GEMIN7: variants seen among roughly 807,000 people sequenced by gnomAD.
GEMIN7 encodes the protein gem nuclear organelle associated protein 7.
In GEMIN7, 7 loss-of-function variants were observed where a neutral mutation model predicts 7.8. The ratio of observed to expected loss-of-function variants is 0.90; its 90% confidence interval spans 0.51 to 1.69. The LOEUF is 1.69. Ranked by LOEUF, GEMIN7 falls within the 40% of genes most tolerant of loss-of-function variation. GEMIN7 has a pLI of 0.00. For synonymous variants in GEMIN7, 68 were observed against 72.4 expected, an observed-to-expected ratio of 0.94 and a Z score of 0.31; for missense variants, 159 against 176.2, an observed-to-expected ratio of 0.90 and a Z score of 0.55.
intron 2 of GEMIN7, among the ~76,000 whole-genome samples, chr19:45,089,052 C>T (rs1967802202): frequency 6.6e-6 from 1 of 151,964 alleles, no homozygotes; most frequent in Non-Finnish European, 1.5e-5. Context: ...AATGATTCTC[C>T]TGCCTTAACC....
chr19:45,085,314 G>A (rs1194489957), intron 2 of GEMIN7: 41 of 152,128 alleles, frequency 2.7e-4, no homozygotes, highest in Admixed American at 2.7e-3. Flanking sequence ...ATCAGGAGAC[G>A]TTTGGCAATT....
chr19:45,076,604 G>A (rs1461242376), upstream of GEMIN7: 3 of 336,652 alleles, frequency 8.9e-6, no homozygotes, highest in Non-Finnish European at 1.6e-5. The surrounding 1 kb of genome is among the most constrained non-coding windows in gnomAD (Gnocchi z 4.9). Flanking sequence ...ACTCAATCTA[G>A]GCAGTGTCCC....
At chr19:45,082,772 C>A (rs2122657480) in intron 2 of GEMIN7, among the ~76,000 whole-genome samples, 1 of 149,620 alleles carries the variant, frequency 6.7e-6, no homozygotes, top group East Asian at 1.9e-4. Context: ...TCGCACACTA[C>A]CCATGCCCAG....
At chr19:45,086,553 C>G (rs1419572800) in intron 2 of GEMIN7, among the ~76,000 whole-genome samples, 4 of 152,170 alleles carry the variant, frequency 2.6e-5, no homozygotes, top group Admixed American at 1.3e-4. Context: ...GTAATTTAGT[C>G]CCCATGCCCG....
At chr19:45,079,534 T>C (rs892872214) in intron 1 of GEMIN7, among the ~76,000 whole-genome samples, 157 bp downstream of exon 1, 1 of 152,106 alleles carries the variant, frequency 6.6e-6, no homozygotes, top group Non-Finnish European at 1.5e-5. Context: ...CGGAAAATAA[T>C]AAATGGCCAC....
At chr19:45,077,543 C>T (rs1462200527), upstream of GEMIN7, among the ~76,000 whole-genome samples, 2 of 152,138 alleles carry the variant, frequency 1.3e-5, no homozygotes, top group African/African-American at 4.8e-5. Context: ...TGCAAGCCCC[C>T]TGAGGTCAGG....
chr19:45,076,182 G>A (rs781661208), upstream of GEMIN7: 4 of 1,505,338 alleles, frequency 2.7e-6, no homozygotes, highest in South Asian at 2.6e-5. This position sits in a 1 kb window ranked among gnomAD's most constrained non-coding sequence, Gnocchi z 4.9. Context: ...GGTGGGGTTC[G>A]CCGCCGAACC....
At chr19:45,086,475 C>G (rs1967692922) in intron 2 of GEMIN7, among the ~76,000 whole-genome samples, 2 of 152,168 alleles carry the variant, frequency 1.3e-5, no homozygotes, top group African/African-American at 4.8e-5. Flanking sequence ...TTTCCCTATA[C>G]ACATTCAACA....
upstream of GEMIN7, chr19:45,075,971 G>A: frequency 1.3e-6 from 2 of 1,579,690 alleles, no homozygotes; most frequent in South Asian, 1.1e-5. Flanking sequence ...GGGGCAGGAC[G>A]GGGCGAAGGA....
chr19:45,082,399 G>C (rs968064853), intron 2 of GEMIN7, among the ~76,000 whole-genome samples: 1 of 152,104 alleles, frequency 6.6e-6, no homozygotes, highest in Non-Finnish European at 1.5e-5. Flanking sequence ...TATCCCCCAG[G>C]CTGGGTCAGG....
chr19:45,086,790 A>C lies in GEMIN7; in HGVS notation c.-8-3317A>C, dbSNP rs375868911. Among the ~76,000 whole-genome samples the C allele has an allele frequency of 3.9e-5, 6 of 152,316 alleles. No individual in the cohort carries two copies. In the South Asian group the frequency reaches 1.2e-3, roughly 32 times the overall value. On this transcript the variant is annotated intron_variant, in intron 2 of 2. Transcript: ENST00000270257. Reference sequence around the variant, plus strand: ...ACAATGGAAGAGAAAACTGTCTCTTACTGATGTCACACAGCTAAACCGGCC... The same window carrying C: ...ACAATGGAAGAGAAAACTGTCTCTTCCTGATGTCACACAGCTAAACCGGCC...
In GEMIN7 at chr19:45,083,750, A is replaced by G. The variant is rs1160683359; in HGVS notation, c.-9+3721A>G. Reference sequence around the variant, plus strand: ...TGAGTAGCTGGGACTACAGGAGCGCACCCTTTGCCCAGCTAATTTTTCTAT... The same window carrying G: ...TGAGTAGCTGGGACTACAGGAGCGCGCCCTTTGCCCAGCTAATTTTTCTAT... On this transcript the variant is annotated intron_variant, in intron 2 of 2. Transcript: ENST00000270257. Among the ~76,000 whole-genome samples, 4 of 149,376 alleles carry G rather than the reference A, an allele frequency of 2.7e-5. No homozygotes were observed. The Admixed American group carries it at 2.7e-4, about 10-fold the overall frequency.
In GEMIN7 at chr19:45,090,231, T is replaced by G. The variant is rs757211690; in HGVS notation, c.117T>G (p.Pro39=). The part of the protein sequence containing the change: ...GRRAPLRPEV[P]EIQECPIAQE... ...GAGCCCCCTTGAGGCCAGAGGTTCC[T>G]GAAATCCAGGAGTGTCCCATAGCTC... Residue 39 remains proline, a synonymous_variant, in exon 3 of 3, where the codon CCT becomes CCG. Coordinates refer to ENST00000270257, the MANE Select transcript of GEMIN7 (RefSeq NM_024707.3). 1.2e-6 allele frequency: 2 copies of G among 1,614,218 alleles called. No individual in the cohort carries two copies. Among genetic ancestry groups the G allele is most frequent in the Non-Finnish European group, 1.7e-6 (2 of 1,180,048 alleles).
intron 2 of GEMIN7, chr19:45,088,528 T>C (rs1016689490): frequency 2.0e-5 from 3 of 152,098 alleles, no homozygotes; most frequent in Admixed American, 6.6e-5. Flanking sequence ...GGTCTTACCA[T>C]GTTGCCCAGG....
chr19:45,088,775 T>C (rs1203206730), intron 2 of GEMIN7: 3 of 152,138 alleles, frequency 2.0e-5, no homozygotes, highest in Non-Finnish European at 2.9e-5. Context: ...GCCTTCTTAG[T>C]GTCCCATTCC....
chr19:45,087,849 T>C (rs925208235), intron 2 of GEMIN7, among the ~76,000 whole-genome samples: 9 of 152,082 alleles, frequency 5.9e-5, no homozygotes, highest in African/African-American at 2.2e-4. Context: ...AGGAAGTGTC[T>C]GTGGCTGCAG....
At chr19:45,077,836 T>C (rs1967385712), upstream of GEMIN7, among the ~76,000 whole-genome samples, 1 of 152,034 alleles carries the variant, frequency 6.6e-6, no homozygotes, top group South Asian at 2.1e-4. Flanking sequence ...AGGTGGTTTC[T>C]TCTTCACTGC....
intron 2 of GEMIN7, among the ~76,000 whole-genome samples, chr19:45,083,433 T>A (rs570612058): frequency 4.5e-4 from 68 of 150,904 alleles, no homozygotes; most frequent in African/African-American, 1.7e-3. Flanking sequence ...GGGGATAGAG[T>A]GAGACTCCAT....
upstream of GEMIN7, chr19:45,076,288 T>C: frequency 6.8e-7 from 1 of 1,460,352 alleles, no homozygotes; most frequent in Non-Finnish European, 9.0e-7. The surrounding 1 kb of genome is among the most constrained non-coding windows in gnomAD (Gnocchi z 4.9). Context: ...GATGACGAGG[T>C]CCTGCATTTC....
Sources: allele counts gnomAD v4.1 joint callset (sites outside exome capture counted in the v4.1 genomes callset), GRCh38; gene constraint gnomAD v4.1.1; non-coding constraint Gnocchi (gnomAD v3.1); transcripts MANE v1.5; gene names NCBI Gene and HGNC (gene_info 2026-07-23, HGNC 2026-07-21).